Variants in CFAP221 observed in about 807,000 individuals in gnomAD.
CFAP221 encodes the protein cilia and flagella associated protein 221.
CFAP221 carries 97 observed loss-of-function variants against 113.1 expected under a neutral mutation model. The observed-to-expected ratio is 0.86, with a 90% CI of 0.73 to 1.02. The LOEUF (loss-of-function observed/expected upper bound fraction) is 1.02, where lower values mean the gene tolerates loss of function less well. Among genes scored for constraint, CFAP221 ranks in the 50% least tolerant of loss-of-function variants. The pLI is 0.00. For missense variants in CFAP221, 1,025 were observed against 1,013.4 expected, an observed-to-expected ratio of 1.01 and a Z score of -0.16; for synonymous variants, 331 against 354.4, an observed-to-expected ratio of 0.93 and a Z score of 0.74.
chr2:119,579,036 G>A (rs1464168407), intron 6 of CFAP221, among the ~76,000 whole-genome samples: 1 of 152,040 alleles, frequency 6.6e-6, no homozygotes, highest in Non-Finnish European at 1.5e-5. Flanking sequence ...TAATATAAAA[G>A]TCTACCATTT....
rs745570851 is a variant in CFAP221 at position 119,656,361 on chromosome 2, G to A, written c.2415-1G>A. On this transcript the variant is annotated splice_acceptor_variant, in intron 23 of 23. Coordinates refer to ENST00000413369, the MANE Select transcript of CFAP221 (RefSeq NM_001271049.2). LOFTEE classifies it high-confidence loss of function. ...TCCTTCTTGGGTTTTTTGATACTCA[G>A]AGAAGTGAAAGATCAAGCACAACCA... is the stretch of plus-strand genomic sequence containing the variant. 5 of 1,613,732 alleles carry A rather than the reference G, an allele frequency of 3.1e-6. No homozygotes were observed. The highest frequency in any genetic ancestry group is 1.1e-5 in the South Asian group (1 of 91,060).
intron 3 of CFAP221, among the ~76,000 whole-genome samples, chr2:119,555,581 T>C (rs1050229223): frequency 1.3e-5 from 2 of 152,224 alleles, no homozygotes; most frequent in Non-Finnish European, 2.9e-5. Flanking sequence ...AGGGATATTA[T>C]TTATAACGAT....
At chr2:119,630,376 C>G (rs1173785498) in intron 17 of CFAP221, among the ~76,000 whole-genome samples, 194 bp from the exon 18 acceptor site, 1 of 152,152 alleles carries the variant, frequency 6.6e-6, no homozygotes, top group Non-Finnish European at 1.5e-5. Context: ...TGCTGAAACC[C>G]AGAACAGGGC....
chr2:119,564,497 A>G (rs1469473071), intron 6 of CFAP221, among the ~76,000 whole-genome samples: 1 of 152,220 alleles, frequency 6.6e-6, no homozygotes, highest in Non-Finnish European at 1.5e-5. Flanking sequence ...TACCTTTGCA[A>G]TCACTCTTCT....
At chr2:119,569,250 CAG>C (rs1681871553) in intron 6 of CFAP221, among the ~76,000 whole-genome samples, 1 of 152,064 alleles carries the variant, frequency 6.6e-6, no homozygotes. Flanking sequence ...TCTCCTGCCT[CAG>C]GGACTACAGG....
At chr2:119,598,260 G>T (rs906807837) in intron 7 of CFAP221, among the ~76,000 whole-genome samples, 2 of 152,268 alleles carry the variant, frequency 1.3e-5, no homozygotes, top group African/African-American at 4.8e-5. Context: ...CAAGTAATGT[G>T]CTTTTGTTTT....
chr2:119,642,890 CT>C (rs1476311664), intron 21 of CFAP221, among the ~76,000 whole-genome samples: 1 of 151,832 alleles, frequency 6.6e-6, no homozygotes, highest in African/African-American at 2.4e-5. Flanking sequence ...GGCTCCACCC[CT>C]ATGACCTAAC....
intron 7 of CFAP221, 57 bp downstream of exon 7, chr2:119,587,279 T>C (rs756684654): frequency 1.6e-6 from 2 of 1,266,290 alleles, no homozygotes; most frequent in Non-Finnish European, 2.2e-6. Flanking sequence ...ATTCAAACGT[T>C]ATATTTTCAA....
At chr2:119,562,693 A>G (rs1222914168) in intron 6 of CFAP221, among the ~76,000 whole-genome samples, 3 of 152,212 alleles carry the variant, frequency 2.0e-5, no homozygotes, top group East Asian at 1.9e-4. Context: ...AATGATTCCA[A>G]TGTAATTTAA....
At chr2:119,605,030 TGAAA>T (rs1684639446) in intron 10 of CFAP221, 43 bp downstream of exon 10, 1 of 1,572,388 alleles carries the variant, frequency 6.4e-7, no homozygotes. Context: ...GAGCAGAATA[TGAAA>T]GAGTCATTGC....
chr2:119,557,848 C>A (rs748505680), intron 3 of CFAP221, among the ~76,000 whole-genome samples: 1 of 149,956 alleles, frequency 6.7e-6, no homozygotes, highest in Non-Finnish European at 1.5e-5. Context: ...ACTAAAAATA[C>A]AAAAGTTAGC....
chr2:119,657,423 C>A (rs191289638), downstream of CFAP221, among the ~76,000 whole-genome samples: 8 of 152,288 alleles, frequency 5.3e-5, no homozygotes, highest in East Asian at 1.3e-3. Flanking sequence ...GCAGAGTATA[C>A]CTGGCATAAA....
intron 6 of CFAP221, among the ~76,000 whole-genome samples, chr2:119,564,010 A>G (rs1175182651): frequency 6.6e-6 from 1 of 152,180 alleles, no homozygotes; most frequent in East Asian, 1.9e-4. Context: ...CCCTCTAGAT[A>G]TAGGGCCAGC....
In CFAP221 at chr2:119,630,638, A is replaced by G. The variant is rs777813745; in HGVS notation, c.1800A>G (p.Arg600=). The part of the protein sequence containing the change: ...FSVHKSSTSY[R]PQKLARALKQ... ...TCCACAAGTCTTCAACAAGTTACAG[A>G]CCTCAAAAGCTTGCCCGAGCCCTAA... is the stretch of plus-strand genomic sequence containing the variant. The change falls in exon 18 of 24, where the codon AGA becomes AGG. Residue 600 remains arginine (R), a synonymous_variant. Coordinates refer to ENST00000413369, the MANE Select transcript of CFAP221 (RefSeq NM_001271049.2). 2 of 1,613,908 alleles carry G rather than the reference A, an allele frequency of 1.2e-6. No homozygotes were observed. The highest frequency in any genetic ancestry group is 3.3e-5 in the Admixed American group (2 of 60,004).
intron 7 of CFAP221, among the ~76,000 whole-genome samples, chr2:119,596,884 C>T (rs959110308): frequency 1.3e-5 from 2 of 152,122 alleles, no homozygotes; most frequent in African/African-American, 4.8e-5. Flanking sequence ...GCCACTGAGT[C>T]CTTGTCTTCT....
At chr2:119,641,840 A>G (rs1402435059) in intron 21 of CFAP221, among the ~76,000 whole-genome samples, 1 of 152,204 alleles carries the variant, frequency 6.6e-6, no homozygotes, top group African/African-American at 2.4e-5. Flanking sequence ...TGCAGTCAGT[A>G]AACCGGGTCT....
Position 119,615,588 on chromosome 2 carries a change from G to A in CFAP221, c.1312-23G>A, listed in dbSNP as rs759853934. 2.5e-5 allele frequency: 37 copies of A among 1,508,688 alleles called. No individual in the cohort carries two copies. In the African/African-American group the frequency reaches 2.9e-4, roughly 12 times the overall value. 93.5% of individuals were successfully genotyped at this position (1,508,688 alleles called of 1,614,324 possible). A position where few individuals can be genotyped will look rare whatever the true frequency, so the allele number is the denominator to read the frequency against. ...AGGAGTTAAAATTTAAATGTAAGAT[G>A]TGCCTATATTTTATATTCACAGAAA... On this transcript the variant is annotated intron_variant, in intron 13 of 23. Transcript: ENST00000413369.
chr2:119,564,191 G>A (rs1241414356), intron 6 of CFAP221, among the ~76,000 whole-genome samples: 1 of 152,134 alleles, frequency 6.6e-6, no homozygotes, highest in Non-Finnish European at 1.5e-5. Context: ...TATGGACCGT[G>A]CATATGAGCT....
intron 14 of CFAP221, among the ~76,000 whole-genome samples, chr2:119,624,365 A>G (rs960076863): frequency 6.6e-6 from 1 of 152,208 alleles, no homozygotes; most frequent in Non-Finnish European, 1.5e-5. Flanking sequence ...AAAAGTCGGG[A>G]AACAACAGAT....
Sources: gnomAD v4.1 joint callset for allele counts (sites outside exome capture counted in the v4.1 genomes callset) on GRCh38, gnomAD v4.1.1 for gene constraint, MANE v1.5 for transcripts, NCBI Gene and HGNC (gene_info 2026-07-23, HGNC 2026-07-21) for gene names.